Variants in FGGY observed in about 807,000 individuals in gnomAD.
FGGY encodes FGGY carbohydrate kinase domain-containing protein.
A neutral mutation model predicts 71.3 loss-of-function variants in FGGY; 72 were observed. The observed-to-expected ratio is 1.01, with a 90% confidence interval of 0.84 to 1.23. The LOEUF is 1.23. FGGY is among the 50% of genes most tolerant of loss of function. FGGY has a pLI of 0.00. For missense variants in FGGY, 668 were observed against 682.3 expected, an observed-to-expected ratio of 0.98 and a Z score of 0.23; for synonymous variants, 251 against 250.3, an observed-to-expected ratio of 1.00 and a Z score of -0.02.
intron 11 of FGGY, among the ~76,000 whole-genome samples, chr1:59,655,177 A>G (rs1352604456): frequency 3.9e-5 from 6 of 152,338 alleles, no homozygotes; most frequent in African/African-American, 1.4e-4. Context: ...ATCCCAGTAA[A>G]TGAATGGGAT....
At chr1:59,721,098 A>G (rs941898701) in intron 14 of FGGY, among the ~76,000 whole-genome samples, 3 of 152,050 alleles carry the variant, frequency 2.0e-5, no homozygotes, top group African/African-American at 7.2e-5. Flanking sequence ...TGCCATTCCT[A>G]GTCACCCTAT....
intron 6 of FGGY, among the ~76,000 whole-genome samples, chr1:59,483,936 T>TAA (rs1035349650): frequency 6.6e-6 from 1 of 151,696 alleles, no homozygotes; most frequent in Non-Finnish European, 1.5e-5. Context: ...ATGTCTACTG[T>TAA]AAAAAAAATA....
intron 14 of FGGY, among the ~76,000 whole-genome samples, chr1:59,725,032 C>T (rs1003331302): frequency 6.6e-6 from 1 of 152,086 alleles, no homozygotes; most frequent in African/African-American, 2.4e-5. Flanking sequence ...AAACTTATCA[C>T]CTAACCCAAG....
chr1:59,570,377 T>C (rs1470522961), intron 8 of FGGY, among the ~76,000 whole-genome samples: 1 of 152,198 alleles, frequency 6.6e-6, no homozygotes, highest in African/African-American at 2.4e-5. Context: ...GTAAAATTAA[T>C]GTAAAATGAA....
At chr1:59,745,931 A>T (rs1306380994) in intron 14 of FGGY, among the ~76,000 whole-genome samples, 1 of 152,214 alleles carries the variant, frequency 6.6e-6, no homozygotes, top group Non-Finnish European at 1.5e-5. Flanking sequence ...CTGTTGGTAT[A>T]TTGTAATATT....
At chr1:59,438,393 G>A (rs1200956405) in intron 5 of FGGY, among the ~76,000 whole-genome samples, 2 of 152,156 alleles carry the variant, frequency 1.3e-5, no homozygotes, top group African/African-American at 2.4e-5. Context: ...AACCCAGAAT[G>A]CTTTACAAAT....
intron 1 of FGGY, among the ~76,000 whole-genome samples, chr1:59,309,213 C>A (rs547729025): frequency 1.2e-3 from 179 of 152,216 alleles, no homozygotes; most frequent in African/African-American, 4.2e-3. Flanking sequence ...TGGGTATTAT[C>A]AAAATTTTCC....
intron 14 of FGGY, among the ~76,000 whole-genome samples, chr1:59,753,652 A>G (rs541275923): frequency 1.5e-4 from 22 of 151,282 alleles, no homozygotes; most frequent in African/African-American, 5.1e-4. Flanking sequence ...ATATATATTG[A>G]TCCGATCTTT....
chr1:59,596,314 A>G (rs1329637296), intron 8 of FGGY, among the ~76,000 whole-genome samples: 1 of 151,802 alleles, frequency 6.6e-6, no homozygotes. Flanking sequence ...ACATAGGAAA[A>G]TCCCATTACC....
intron 9 of FGGY, among the ~76,000 whole-genome samples, chr1:59,614,193 T>C (rs1310586745): frequency 1.3e-5 from 2 of 151,252 alleles, no homozygotes; most frequent in Non-Finnish European, 1.5e-5. Flanking sequence ...GAGACACAAC[T>C]AAAAAAGAGA....
chr1:59,581,667 T>A (rs2096197260), intron 8 of FGGY, among the ~76,000 whole-genome samples: 1 of 150,006 alleles, frequency 6.7e-6, no homozygotes, highest in Non-Finnish European at 1.5e-5. Context: ...TGGACATTTG[T>A]TGAATAACTG....
intron 2 of FGGY, among the ~76,000 whole-genome samples, chr1:59,331,452 C>T (rs2048459739): frequency 6.6e-6 from 1 of 152,112 alleles, no homozygotes; most frequent in African/African-American, 2.4e-5. Context: ...TTCCCCCTCC[C>T]AGGACCTCTG....
chr1:59,601,773 C>T (rs1292990954), intron 8 of FGGY, among the ~76,000 whole-genome samples: 1 of 152,178 alleles, frequency 6.6e-6, no homozygotes, highest in Non-Finnish European at 1.5e-5. Context: ...ATGTTTAAAA[C>T]AGTAGTTTGA....
chr1:59,607,823 T>C lies in FGGY; in HGVS notation c.924T>C (p.Phe308=), dbSNP rs773680369. The C allele has an allele frequency of 8.7e-6, 14 of 1,613,968 alleles. No homozygotes were observed. The highest frequency in any genetic ancestry group is 1.3e-5 in the African/African-American group (1 of 74,928). ...CHMGISKDPI[F]VPGVWGPYFS... is the part of the protein sequence containing the mutation. ...TCCAGATCAGCAAAGACCCGATTTTTGTACCAGGCGTCTGGGGGCCTTATT... is the reference window on the plus strand; with the variant it reads ...TCCAGATCAGCAAAGACCCGATTTTCGTACCAGGCGTCTGGGGGCCTTATT... Residue 308 remains phenylalanine (F), a synonymous_variant, in exon 9 of 16, where the codon TTT becomes TTC. Transcript: ENST00000303721.
chr1:59,577,215 A>G (rs1425976952), intron 8 of FGGY, among the ~76,000 whole-genome samples: 1 of 152,226 alleles, frequency 6.6e-6, no homozygotes, highest in East Asian at 1.9e-4. Flanking sequence ...TTCTGCTGCC[A>G]GTTGATAGAC....
intron 7 of FGGY, among the ~76,000 whole-genome samples, chr1:59,527,838 A>T (rs1452472608): frequency 1.3e-5 from 2 of 152,252 alleles, no homozygotes; most frequent in African/African-American, 4.8e-5. Context: ...CATAATATAG[A>T]TAACCAAATA....
chr1:59,748,598 C>T (rs941669984), intron 14 of FGGY, among the ~76,000 whole-genome samples: 9 of 152,188 alleles, frequency 5.9e-5, no homozygotes, highest in African/African-American at 2.2e-4. Context: ...TCTGCATAAA[C>T]TCCATCCTGA....
At chr1:59,485,405 CT>C (rs2093627945) in intron 6 of FGGY, among the ~76,000 whole-genome samples, 1 of 152,144 alleles carries the variant, frequency 6.6e-6, no homozygotes, top group Admixed American at 6.6e-5. Flanking sequence ...TCCTCTTTCC[CT>C]CCCCTGGGTC....
chr1:59,561,014 G>C (rs763851386), intron 8 of FGGY, among the ~76,000 whole-genome samples: 2 of 152,186 alleles, frequency 1.3e-5, no homozygotes, highest in Non-Finnish European at 2.9e-5. Flanking sequence ...GCCTGAGCAG[G>C]ATGTGGGTGT....
Sources: gnomAD v4.1 joint callset for allele counts (sites outside exome capture counted in the v4.1 genomes callset) on GRCh38, gnomAD v4.1.1 for gene constraint, MANE v1.5 for transcripts, NCBI Gene and HGNC (gene_info 2026-07-23, HGNC 2026-07-21) for gene names.